Variants in EZR observed in about 807,000 individuals in gnomAD.
The protein encoded by EZR is cytovillin 2.
EZR carries 40 observed loss-of-function variants against 74.8 expected under a neutral mutation model. That is an observed-to-expected ratio of 0.53 (90% CI 0.42 to 0.70). The LOEUF (loss-of-function observed/expected upper bound fraction) is 0.70, where lower values mean the gene tolerates loss of function less well. EZR is among the 30% of genes least tolerant of loss of function. The probability of loss-of-function intolerance (pLI) is 0.00; values close to 1 mark genes in which losing one functional copy is unlikely to be tolerated. For missense variants in EZR, 678 were observed against 755.8 expected, an observed-to-expected ratio of 0.90 and a Z score of 1.21; for synonymous variants, 341 against 283.3, an observed-to-expected ratio of 1.20 and a Z score of -2.05.
chr6:158,766,820 G>A lies in EZR; in HGVS notation c.*94C>T, dbSNP rs1237249397. 8.3e-7 allele frequency: 1 copy of A among 1,202,406 alleles called. No homozygotes were observed. The highest frequency in any genetic ancestry group is 1.2e-6 in the Non-Finnish European group (1 of 844,872). The allele number at this position is 1,202,406 out of a possible 1,614,324, so 74.5% of individuals were successfully genotyped here. On this transcript the variant is annotated 3_prime_UTR_variant, in exon 14 of 14. Transcript: ENST00000367075. Reference sequence around the variant, plus strand: ...TTTCTAAAGGAACTGGGATCTGAGGGAGTTCCTAGACTTGGAGCACTAAAG... The same window carrying A: ...TTTCTAAAGGAACTGGGATCTGAGGAAGTTCCTAGACTTGGAGCACTAAAG...
At chr6:158,805,047 AATG>A (rs1777304803) in intron 2 of EZR, among the ~76,000 whole-genome samples, 1 of 151,606 alleles carries the variant, frequency 6.6e-6, no homozygotes, top group African/African-American at 2.4e-5. Context: ...GTTTACTGAG[AATG>A]ATGATTTCCA....
In EZR at chr6:158,809,013, C is replaced by T. The variant is rs1008734112; in HGVS notation, c.12+9069G>A. Among the ~76,000 whole-genome samples the T allele has an allele frequency of 1.1e-4, 16 of 152,266 alleles. 2 individuals carry two copies. In the South Asian group the frequency reaches 1.5e-3, roughly 14 times the overall value. Reference sequence around the variant, plus strand: ...AGTCAGGTGTGGTAGTGAGCGCCTGCGGTCCCCCAGGAGTTCAAGGCTGTG... The same window carrying T: ...AGTCAGGTGTGGTAGTGAGCGCCTGTGGTCCCCCAGGAGTTCAAGGCTGTG... On this transcript the variant is annotated intron_variant, in intron 2 of 13. Transcript: ENST00000367075.
At chr6:158,780,172 G>T (rs1236455990) in intron 7 of EZR, among the ~76,000 whole-genome samples, 1 of 104,760 alleles carries the variant, frequency 9.5e-6, no homozygotes, top group Admixed American at 9.3e-5. Context: ...GACACAGTGA[G>T]ATTCCATATC....
chr6:158,773,968 A>G (rs1304676709), intron 8 of EZR, among the ~76,000 whole-genome samples: 3 of 152,222 alleles, frequency 2.0e-5, no homozygotes, highest in Admixed American at 2.0e-4. Context: ...AAACTGCTGT[A>G]TGCACCTTGG....
chr6:158,774,720 A>G (rs964073981), intron 8 of EZR, among the ~76,000 whole-genome samples: 1 of 137,224 alleles, frequency 7.3e-6, no homozygotes, highest in Non-Finnish European at 1.6e-5. Flanking sequence ...CACACGCACA[A>G]ACATTCTGAA....
In EZR at chr6:158,783,222, G is replaced by A. The variant is rs112498180; in HGVS notation, c.698+298C>T. 6.2e-3 allele frequency among the ~76,000 whole-genome samples: 809 copies of A among 131,246 alleles called. 5 individuals are homozygous for A. Among genetic ancestry groups the A allele is most frequent in the African/African-American group, 0.021 (766 of 36,822 alleles). 86.1% of individuals were successfully genotyped at this position (131,246 alleles called of 152,430 possible). On this transcript the variant is annotated intron_variant, in intron 7 of 13. Transcript: ENST00000367075. Reference sequence around the variant, plus strand: ...ATGGATGTGCTGGTACCTGCAGGCAGCTGGGGTGGAATCTCAGAGGCAGCG... The same window carrying A: ...ATGGATGTGCTGGTACCTGCAGGCAACTGGGGTGGAATCTCAGAGGCAGCG...
intron 10 of EZR, 109 bp from the exon 11 acceptor site, chr6:158,770,053 G>C (rs1321129681): frequency 1.4e-6 from 2 of 1,423,526 alleles, no homozygotes; most frequent in Non-Finnish European, 1.9e-6. Flanking sequence ...CAAGTCACAG[G>C]TTGAGGGGAT....
Position 158,782,944 on chromosome 6 carries a change from T to C in EZR, c.698+576A>G, listed in dbSNP as rs538300736. Among the ~76,000 whole-genome samples the C allele has an allele frequency of 7.2e-5, 11 of 152,354 alleles. No individual in the cohort carries two copies. In the South Asian group the frequency reaches 2.3e-3, roughly 32 times the overall value. ...ATGTGAAAGCGGAACTGCCTGTCCC[T>C]GTGGAGAGGCCTGGCTCTGCTGCTC... On this transcript the variant is annotated intron_variant, in intron 7 of 13. Coordinates refer to ENST00000367075, the MANE Select transcript of EZR (RefSeq NM_001111077.2).
At chr6:158,818,750 G>A (rs968855184) in intron 1 of EZR, among the ~76,000 whole-genome samples, 1 of 150,140 alleles carries the variant, frequency 6.7e-6, no homozygotes, top group Non-Finnish European at 1.5e-5. Context: ...AGGGCGAGGG[G>A]CAGGAGGAAC....
At chr6:158,789,426 A>T in intron 2 of EZR, 55 bp from the exon 3 acceptor site, 1 of 1,471,544 alleles carries the variant, frequency 6.8e-7, no homozygotes, top group East Asian at 2.3e-5. Flanking sequence ...TTCTTCTAAT[A>T]ACCTCCTGCA....
At chr6:158,768,624 G>T (rs1460487680) in intron 12 of EZR, among the ~76,000 whole-genome samples, 1 of 152,140 alleles carries the variant, frequency 6.6e-6, no homozygotes, top group African/African-American at 2.4e-5. Flanking sequence ...GCTTCTCAGG[G>T]GCTGTGCCTT....
intron 8 of EZR, among the ~76,000 whole-genome samples, chr6:158,774,586 C>G (rs1791211845): frequency 1.3e-5 from 2 of 151,348 alleles, no homozygotes; most frequent in Admixed American, 6.6e-5. Context: ...AATAAAGGCA[C>G]ATGCACGAGA....
intron 2 of EZR, among the ~76,000 whole-genome samples, chr6:158,789,757 C>T (rs1458566459): frequency 6.6e-6 from 1 of 152,172 alleles, no homozygotes; most frequent in African/African-American, 2.4e-5. Context: ...GTAGCTGGCA[C>T]TATAGGTGCC....
At chr6:158,813,218 C>A (rs1246125896) in intron 2 of EZR, among the ~76,000 whole-genome samples, 1 of 152,182 alleles carries the variant, frequency 6.6e-6, no homozygotes, top group Non-Finnish European at 1.5e-5. Flanking sequence ...CACGTTGTTA[C>A]CTCTGCCCAG....
At chr6:158,790,058 A>G (rs1489849063) in intron 2 of EZR, among the ~76,000 whole-genome samples, 2 of 150,234 alleles carry the variant, frequency 1.3e-5, no homozygotes, top group Admixed American at 1.3e-4. Flanking sequence ...GAAGAGAGAA[A>G]GAGCTTTGAA....
chr6:158,794,102 C>T (rs1791811183), intron 2 of EZR, among the ~76,000 whole-genome samples: 1 of 152,188 alleles, frequency 6.6e-6, no homozygotes, highest in African/African-American at 2.4e-5. Context: ...CACAGTGAAG[C>T]CCCGTCTCTA....
chr6:158,788,345 AG>A (rs2128571096), intron 3 of EZR: 1 of 152,324 alleles, frequency 6.6e-6, no homozygotes, highest in South Asian at 2.1e-4. Context: ...CTCACCCAAA[AG>A]GGATGGGGGA....
intron 5 of EZR, 56 bp from the exon 6 acceptor site, chr6:158,784,783 A>C (rs1791526025): frequency 6.8e-7 from 1 of 1,480,820 alleles, no homozygotes; most frequent in African/African-American, 1.4e-5. Flanking sequence ...CAGGCAAGGA[A>C]GGAGGCCCAC....
chr6:158,817,991 C>G (rs564585714), intron 2 of EZR, 91 bp downstream of exon 2: 3 of 1,316,862 alleles, frequency 2.3e-6, no homozygotes, highest in Non-Finnish European at 3.2e-6. Context: ...GAACCCTGTT[C>G]CCCAGGAACT....
Sources: allele counts gnomAD v4.1 joint callset (sites outside exome capture counted in the v4.1 genomes callset), GRCh38; gene constraint gnomAD v4.1.1; transcripts MANE v1.5; gene names NCBI Gene and HGNC (gene_info 2026-07-23, HGNC 2026-07-21).